MCF2L2: variants seen among roughly 807,000 people sequenced by gnomAD.
MCF2L2 encodes MCF.2 cell line derived transforming sequence-like 2.
MCF2L2 carries 102 observed loss-of-function variants against 150.2 expected under a neutral mutation model. The observed-to-expected ratio is 0.68, with a 90% CI of 0.58 to 0.80. The LOEUF is 0.80. Ranked by LOEUF, MCF2L2 falls within the 30% of genes least tolerant of loss-of-function variation. The probability of loss-of-function intolerance (pLI) is 0.00; values close to 1 mark genes in which losing one functional copy is unlikely to be tolerated. For missense variants in MCF2L2, 1,256 were observed against 1,372.8 expected, an observed-to-expected ratio of 0.91 and a Z score of 1.34; for synonymous variants, 465 against 491.3, an observed-to-expected ratio of 0.95 and a Z score of 0.71.
chr3:183,329,198 A>G (rs1253026971), intron 5 of MCF2L2, among the ~76,000 whole-genome samples: 1 of 152,134 alleles, frequency 6.6e-6, no homozygotes, highest in Non-Finnish European at 1.5e-5. Flanking sequence ...TAGCAGCTTT[A>G]TTCTTTTTTT....
chr3:183,187,646 T>C lies in MCF2L2; in HGVS notation c.3016+5353A>G, dbSNP rs999932878. Among the ~76,000 whole-genome samples, 5 of 152,102 alleles carry C rather than the reference T, an allele frequency of 3.3e-5. No homozygotes were observed. In the South Asian group the frequency reaches 1.0e-3, roughly 32 times the overall value. On this transcript the variant is annotated intron_variant, in intron 27 of 29. Coordinates refer to ENST00000328913, the MANE Select transcript of MCF2L2 (RefSeq NM_015078.4). ...ACCACGCCCAGCCAATTTTTGTATT[T>C]TTAGTAGAGACGGGGTTTCACCATG... is the stretch of plus-strand genomic sequence containing the variant.
At chr3:183,350,836 G>A (rs568295582) in intron 3 of MCF2L2, among the ~76,000 whole-genome samples, 16 of 151,820 alleles carry the variant, frequency 1.1e-4, no homozygotes, top group South Asian at 4.2e-4. Flanking sequence ...CCCGGGAGGC[G>A]GAGCTTACAG....
At chr3:183,210,139 T>A (rs1173198096) in intron 22 of MCF2L2, among the ~76,000 whole-genome samples, 1 of 152,072 alleles carries the variant, frequency 6.6e-6, no homozygotes, top group Admixed American at 6.6e-5. Context: ...GTTGGGAGCT[T>A]GGCGCCTGCC....
intron 25 of MCF2L2, among the ~76,000 whole-genome samples, chr3:183,202,212 T>G (rs906736125): frequency 6.6e-6 from 1 of 152,206 alleles, no homozygotes; most frequent in African/African-American, 2.4e-5. Flanking sequence ...TAGGCCTGAC[T>G]CAGAACTTGC....
chr3:183,247,983 T>C (rs112946667), intron 15 of MCF2L2, among the ~76,000 whole-genome samples: 2 of 152,302 alleles, frequency 1.3e-5, no homozygotes, highest in South Asian at 4.1e-4. Flanking sequence ...AAAAAGCATG[T>C]CTATGAAATA....
rs1196827961 is a variant in MCF2L2 at position 183,179,709 on chromosome 3, G to A, written c.3106-17C>T. The A allele has an allele frequency of 3.8e-6, 6 of 1,597,482 alleles. No individual in the cohort carries two copies. The highest frequency in any genetic ancestry group is 2.7e-5 in the African/African-American group (2 of 74,620). ...GCCCGCGAGCTGGAAGGGAGGGGAC[G>A]GGTGCACCCTCAGAGTTATTGCTGG... is the stretch of plus-strand genomic sequence containing the variant. On this transcript the variant is annotated splice_polypyrimidine_tract_variant and intron_variant, in intron 28 of 29. Coordinates refer to ENST00000328913, the MANE Select transcript of MCF2L2 (RefSeq NM_015078.4). The surrounding 1 kb of genome is among the most constrained non-coding windows in gnomAD (Gnocchi z 4.2).
intron 5 of MCF2L2, among the ~76,000 whole-genome samples, chr3:183,327,153 T>TGA (rs1730078539): frequency 6.6e-6 from 1 of 151,876 alleles, no homozygotes; most frequent in Non-Finnish European, 1.5e-5. Context: ...GGTGAAACCC[T>TGA]GTCTCTACTA....
At position 183,224,163 on chromosome 3, in the gene MCF2L2, A is replaced by G. The variant is rs1560352013; in HGVS notation, c.2143T>C (p.Tyr715His). 1.9e-6 allele frequency: 3 copies of G among 1,613,494 alleles called. No homozygotes were observed. Among genetic ancestry groups the G allele is most frequent in the Non-Finnish European group, 2.5e-6 (3 of 1,179,430 alleles). ...RKEDLQIYFKYHKNLPRARAI... is the reference protein window; with the variant it reads ...RKEDLQIYFKHHKNLPRARAI... ...CTAGCTCGGGGCAGATTCTTATGGT[A>G]TTTAAAATATATCTGAAGATCTTCT... Residue 715 changes from tyrosine to histidine, a missense_variant, in exon 19 of 30, where the codon TAC (tyrosine) becomes CAC (histidine). By Grantham distance (83) the Tyr-to-His change is moderately conservative. Coordinates refer to ENST00000328913, the MANE Select transcript of MCF2L2 (RefSeq NM_015078.4).
At chr3:183,294,377 G>T (rs941528200) in intron 13 of MCF2L2, among the ~76,000 whole-genome samples, 1 of 151,880 alleles carries the variant, frequency 6.6e-6, no homozygotes, top group Non-Finnish European at 1.5e-5. Context: ...TTGAGACAGA[G>T]TTTTGCTCTT....
intron 5 of MCF2L2, among the ~76,000 whole-genome samples, chr3:183,330,639 T>C (rs563908856): frequency 3.3e-5 from 5 of 152,242 alleles, no homozygotes; most frequent in African/African-American, 1.2e-4. Context: ...AGAGAGTGAA[T>C]TTTACCTGAT....
At position 183,270,215 on chromosome 3, in the gene MCF2L2, A is replaced by C; in HGVS notation, c.1862+6657T>G. ...TAGGAACTCCTAATCCACTGGAGGG[A>C]GAAGAACTACAAAGAAAACTGGCTT... is the stretch of plus-strand genomic sequence containing the variant. On this transcript the variant is annotated intron_variant, in intron 15 of 29. Transcript: ENST00000328913. The surrounding 1 kb of genome is among the most constrained non-coding windows in gnomAD (Gnocchi z 4.5). The C allele has an allele frequency of 1.2e-6, 2 of 1,614,208 alleles. No individual in the cohort carries two copies. The highest frequency in any genetic ancestry group is 1.7e-6 in the Non-Finnish European group (2 of 1,180,014).
intron 1 of MCF2L2, among the ~76,000 whole-genome samples, chr3:183,422,033 T>A (rs1715910116): frequency 6.6e-6 from 1 of 152,214 alleles, no homozygotes. Context: ...TACCTACTGC[T>A]TGCTTTATCG....
At chr3:183,338,568 T>G (rs560227165) in intron 5 of MCF2L2, among the ~76,000 whole-genome samples, 240 of 152,254 alleles carry the variant, frequency 1.6e-3, no homozygotes, top group Non-Finnish European at 2.9e-3. Flanking sequence ...TTCTTACTCT[T>G]TCCTCCAAAA....
chr3:183,404,924 T>G (rs927246681), intron 1 of MCF2L2, among the ~76,000 whole-genome samples: 2 of 152,118 alleles, frequency 1.3e-5, no homozygotes, highest in Non-Finnish European at 2.9e-5. Flanking sequence ...AAGATGCTCC[T>G]TGCATCTTAA....
At position 183,227,372 on chromosome 3, in the gene MCF2L2, G is replaced by A. The variant is rs980786347; in HGVS notation, c.2115+925C>T. ...AGAAGTCTGGGAGGTGGGAAGAAGG[G>A]GTAGTTGGAGGTATAATGTTGTAGG... On this transcript the variant is annotated intron_variant, in intron 18 of 29. Coordinates refer to ENST00000328913, the MANE Select transcript of MCF2L2 (RefSeq NM_015078.4). This position sits in a 1 kb window ranked among gnomAD's most constrained non-coding sequence, Gnocchi z 4.0. The A allele has an allele frequency of 8.5e-5, 13 of 152,154 alleles. No homozygotes were observed. The highest frequency in any genetic ancestry group is 1.6e-4 in the Non-Finnish European group (11 of 68,064). The allele number at this position is 152,154 out of a possible 1,614,324, so 9.4% of individuals were successfully genotyped here. A position where few individuals can be genotyped will look rare whatever the true frequency, so the allele number is the denominator to read the frequency against.
rs944334649 is a variant in MCF2L2 at position 183,305,763 on chromosome 3, C to T, written c.1113+3953G>A. Among the ~76,000 whole-genome samples, 2 of 152,112 alleles carry T rather than the reference C, an allele frequency of 1.3e-5. No homozygotes were observed. The highest frequency in any genetic ancestry group is 1.3e-4 in the Admixed American group (2 of 15,268). On this transcript the variant is annotated intron_variant, in intron 10 of 29. Coordinates refer to ENST00000328913, the MANE Select transcript of MCF2L2 (RefSeq NM_015078.4). This position sits in a 1 kb window ranked among gnomAD's most constrained non-coding sequence, Gnocchi z 4.1. ...ACTTGGGAGGCTGAGACAGAAGAATCGCTTGAACCCAGGAGGCGGAGGTTG... is the reference window on the plus strand; with the variant it reads ...ACTTGGGAGGCTGAGACAGAAGAATTGCTTGAACCCAGGAGGCGGAGGTTG...
At chr3:183,294,635 T>TA (rs1560003855) in intron 13 of MCF2L2, among the ~76,000 whole-genome samples, 58 of 133,462 alleles carry the variant, frequency 4.3e-4, no homozygotes, top group African/African-American at 1.7e-3. Flanking sequence ...ATATATATAT[T>TA]TTTTTTTTTT....
intron 14 of MCF2L2, among the ~76,000 whole-genome samples, chr3:183,286,920 G>C (rs1401379629): frequency 6.6e-6 from 1 of 152,210 alleles, no homozygotes; most frequent in African/African-American, 2.4e-5. Context: ...AAGGATGATT[G>C]TAACATGGAC....
At chr3:183,229,227 C>A (rs769354933) in intron 17 of MCF2L2, among the ~76,000 whole-genome samples, 1 of 152,152 alleles carries the variant, frequency 6.6e-6, no homozygotes, top group Admixed American at 6.5e-5. Flanking sequence ...CAAGCAGCCC[C>A]GAGTTAAAAG....
Sources: gnomAD v4.1 joint callset for allele counts (sites outside exome capture counted in the v4.1 genomes callset) on GRCh38, gnomAD v4.1.1 for gene constraint, Gnocchi (gnomAD v3.1) non-coding constraint, MANE v1.5 for transcripts, NCBI Gene and HGNC (gene_info 2026-07-23, HGNC 2026-07-21) for gene names.